MGAT4C: variants seen among roughly 807,000 people sequenced by gnomAD.
MGAT4C encodes alpha-1,3-mannosyl-glycoprotein 4-beta-N-acetylglucosaminyltransferase C.
MGAT4C carries 19 observed loss-of-function variants against 40.1 expected under a neutral mutation model. The observed-to-expected ratio is 0.47, with a 90% confidence interval of 0.33 to 0.70. MGAT4C has a LOEUF of 0.70. Ranked by LOEUF, MGAT4C falls within the 30% of genes least tolerant of loss-of-function variation. The pLI is 0.02. For missense variants in MGAT4C, 491 were observed against 563.2 expected, an observed-to-expected ratio of 0.87 and a Z score of 1.30; for synonymous variants, 181 against 187.1, an observed-to-expected ratio of 0.97 and a Z score of 0.27.
At chr12:86,492,204 G>A (rs2136324226) in intron 2 of MGAT4C, among the ~76,000 whole-genome samples, 1 of 152,296 alleles carries the variant, frequency 6.6e-6, no homozygotes, top group East Asian at 1.9e-4. Context: ...TCAATATTGT[G>A]AAAATGGCCA....
At chr12:86,635,478 G>A (rs542734826) in intron 2 of MGAT4C, among the ~76,000 whole-genome samples, 1 of 152,106 alleles carries the variant, frequency 6.6e-6, no homozygotes, top group East Asian at 1.9e-4. Context: ...TGTATTGTGG[G>A]TGAGTGCCCG....
At chr12:86,594,080 T>C (rs906458223) in intron 2 of MGAT4C, among the ~76,000 whole-genome samples, 2 of 152,160 alleles carry the variant, frequency 1.3e-5, no homozygotes, top group African/African-American at 4.8e-5. Flanking sequence ...CGCAGTACTG[T>C]GTCCAAGGTA....
At chr12:86,341,212 C>G (rs758555951) in intron 3 of MGAT4C, among the ~76,000 whole-genome samples, 13 of 152,102 alleles carry the variant, frequency 8.5e-5, no homozygotes, top group Non-Finnish European at 1.6e-4. Flanking sequence ...CTCCCCAGCC[C>G]AGGGAAGCCA....
At chr12:86,211,405 A>AC (rs1950457713) in intron 1 of MGAT4C, among the ~76,000 whole-genome samples, 2 of 84,404 alleles carry the variant, frequency 2.4e-5, no homozygotes, top group Admixed American at 2.7e-4. Context: ...TACTACAAAT[A>AC]CAAAAAAAAA....
rs1377040278 is a variant in MGAT4C at position 85,960,497 on chromosome 12, T to G, written c.*18792A>C. ...AAAATGTAAAACAACAATTAGCATG[T>G]GACATGCTCTCAGCAAATCAATTAA... On this transcript the variant is annotated 3_prime_UTR_variant, in exon 5 of 5. Coordinates refer to ENST00000611864, the MANE Select transcript of MGAT4C (RefSeq NM_001351288.2). The G allele has an allele frequency of 6.6e-6, 1 of 152,070 alleles. No individual in the cohort carries two copies. Among genetic ancestry groups the G allele is most frequent in the Non-Finnish European group, 1.5e-5 (1 of 67,916 alleles). The allele number at this position is 152,070 out of a possible 1,614,324, so 9.4% of individuals were successfully genotyped here. A position where few individuals can be genotyped will look rare whatever the true frequency, so the allele number is the denominator to read the frequency against.
At position 86,306,468 on chromosome 12, in the gene MGAT4C, T is replaced by C. The variant is rs12322754; in HGVS notation, c.-57+27597A>G. 8.5e-3 allele frequency among the ~76,000 whole-genome samples: 1,282 copies of C among 150,562 alleles called. 132 individuals carry two copies. The highest frequency in any genetic ancestry group is 0.031 in the African/African-American group (1,230 of 40,046). ...ACAAAAGAATACATGTAGTATACTT[T>C]CATTGATAGGAATTTCTAAAAGAGA... On this transcript the variant is annotated intron_variant, in intron 4 of 7. Transcript: ENST00000548651.
At chr12:86,103,919 C>T (rs182483295) in intron 1 of MGAT4C, among the ~76,000 whole-genome samples, 13 of 152,086 alleles carry the variant, frequency 8.5e-5, no homozygotes, top group African/African-American at 3.1e-4. Context: ...ATTTGATGAA[C>T]AAATTATTTG....
chr12:86,181,892 T>C (rs1888167593), intron 1 of MGAT4C, among the ~76,000 whole-genome samples: 1 of 152,104 alleles, frequency 6.6e-6, no homozygotes, highest in Non-Finnish European at 1.5e-5. Context: ...AACTTTCCAA[T>C]AATACTTTAA....
At chr12:86,677,623 T>C (rs539382198) in intron 2 of MGAT4C, among the ~76,000 whole-genome samples, 1 of 152,264 alleles carries the variant, frequency 6.6e-6, no homozygotes, top group South Asian at 2.1e-4. Flanking sequence ...ATCTCAGTAT[T>C]CAAAGGGAAT....
intron 1 of MGAT4C, among the ~76,000 whole-genome samples, chr12:86,187,599 CATA>C (rs1228610364): frequency 6.7e-6 from 1 of 149,272 alleles, no homozygotes; most frequent in African/African-American, 2.4e-5. Flanking sequence ...TAGAATGTCA[CATA>C]ATAATAAATC....
rs553804451 is a variant in MGAT4C at position 86,697,477 on chromosome 12, C to CA, written c.-229+29731dup. Among the ~76,000 whole-genome samples, 40 of 150,154 alleles carry CA rather than the reference C, an allele frequency of 2.7e-4. No homozygotes were observed. The South Asian group carries it at 4.6e-3, about 17-fold the overall frequency. ...TCTTGAAAATAAAAGATTTCCATGA[C>CA]AAAAAAAAAGTCACTCCTAGAAAAA... On this transcript the variant is annotated intron_variant, in intron 2 of 7. Transcript: ENST00000548651.
At chr12:86,834,478 A>G (rs1952996674) in intron 1 of MGAT4C, among the ~76,000 whole-genome samples, 2 of 151,804 alleles carry the variant, frequency 1.3e-5, no homozygotes, top group Admixed American at 1.3e-4. Flanking sequence ...TGATGTTATG[A>G]CAGAAACAAC....
chr12:86,106,268 CGTTTAGTTTA>C (rs199922200), intron 1 of MGAT4C, among the ~76,000 whole-genome samples: 4 of 151,600 alleles, frequency 2.6e-5, no homozygotes, highest in African/African-American at 9.7e-5. Flanking sequence ...AAGCAGCACT[CGTTTAGTTTA>C]GTTTAGTTTA....
intron 3 of MGAT4C, among the ~76,000 whole-genome samples, chr12:86,407,462 T>C (rs1478511406): frequency 6.6e-6 from 1 of 152,022 alleles, no homozygotes; most frequent in Admixed American, 6.6e-5. Context: ...AAAAACAATG[T>C]TATGAGAATA....
chr12:86,680,469 T>G (rs1949961190), intron 2 of MGAT4C, among the ~76,000 whole-genome samples: 1 of 151,992 alleles, frequency 6.6e-6, no homozygotes, highest in African/African-American at 2.4e-5. Context: ...GAATCCCAGA[T>G]CTGATGGACT....
At chr12:86,325,591 C>T (rs1309875478) in intron 4 of MGAT4C, among the ~76,000 whole-genome samples, 2 of 152,046 alleles carry the variant, frequency 1.3e-5, no homozygotes, top group Admixed American at 1.3e-4. Context: ...TAAAATAGTG[C>T]TTGAGGCTGG....
At chr12:86,715,712 A>G (rs1328039606) in intron 2 of MGAT4C, among the ~76,000 whole-genome samples, 1 of 151,974 alleles carries the variant, frequency 6.6e-6, no homozygotes, top group Non-Finnish European at 1.5e-5. Context: ...AAGGAAGTCT[A>G]CTCCTTTTAC....
intron 2 of MGAT4C, among the ~76,000 whole-genome samples, chr12:86,707,386 C>G (rs545278744): frequency 1.3e-3 from 196 of 152,222 alleles, no homozygotes; most frequent in Non-Finnish European, 2.4e-3. Context: ...AAAAGAGGAA[C>G]TTGTTGGGAA....
chr12:86,742,022 A>C (rs1172956157), intron 1 of MGAT4C, among the ~76,000 whole-genome samples: 3 of 151,442 alleles, frequency 2.0e-5, no homozygotes, highest in Non-Finnish European at 4.4e-5. Flanking sequence ...TTAGACATTG[A>C]AAATTAATAA....
Sources: allele counts gnomAD v4.1 joint callset (sites outside exome capture counted in the v4.1 genomes callset), GRCh38; gene constraint gnomAD v4.1.1; transcripts MANE v1.5; gene names NCBI Gene and HGNC (gene_info 2026-07-23, HGNC 2026-07-21).